The following ZBTB8A variants were observed in gnomAD, a reference collection of about 807,000 sequenced individuals.
ZBTB8A encodes the protein zinc finger and BTB domain containing 8A.
A neutral mutation model predicts 37.8 loss-of-function variants in ZBTB8A; 19 were observed. That is an observed-to-expected ratio of 0.50 (90% CI 0.35 to 0.74). The LOEUF (loss-of-function observed/expected upper bound fraction) is 0.74, where lower values mean the gene tolerates loss of function less well. Among genes scored for constraint, ZBTB8A ranks in the 30% least tolerant of loss-of-function variants. The probability of loss-of-function intolerance (pLI) is 0.01; values close to 1 mark genes in which losing one functional copy is unlikely to be tolerated. For missense variants in ZBTB8A, 394 were observed against 537.8 expected (o/e 0.73, Z 2.65); for synonymous variants, 181 against 185.2 (o/e 0.98, Z 0.19).
At chr1:32,561,156 C>A (rs963195873) in intron 2 of ZBTB8A, among the ~76,000 whole-genome samples, 3 of 148,446 alleles carry the variant, frequency 2.0e-5, no homozygotes, top group Non-Finnish European at 3.0e-5. Context: ...CTCACCATCT[C>A]TTTTGCACCC....
At chr1:32,554,452 T>G (rs1431402206) in intron 2 of ZBTB8A, among the ~76,000 whole-genome samples, 1 of 146,542 alleles carries the variant, frequency 6.8e-6, no homozygotes, top group Non-Finnish European at 1.5e-5. Context: ...TTGAACTACA[T>G]TTTAATCTTT....
intron 2 of ZBTB8A, among the ~76,000 whole-genome samples, chr1:32,590,341 C>CT (rs765306619): frequency 2.0e-5 from 3 of 151,766 alleles, no homozygotes; most frequent in African/African-American, 7.3e-5. Context: ...CACCTAAGGC[C>CT]TTTTTTTTCC....
In ZBTB8A at chr1:32,558,363, T is replaced by A. The variant is rs547339730; in HGVS notation, c.-2+4823T>A. 1.4e-3 allele frequency among the ~76,000 whole-genome samples: 206 copies of A among 151,884 alleles called. 1 individual carries two copies. The highest frequency in any genetic ancestry group is 4.6e-3 in the African/African-American group (192 of 41,412). ...CCTCCCTCCTTCTTATCTACAGTAG[T>A]TAGCTACTTAGAGAAAAATTTAGAT... On this transcript the variant is annotated intron_variant, in intron 2 of 4. Transcript: ENST00000373510.
Position 32,593,581 on chromosome 1 carries a change from A to T in ZBTB8A, c.650A>T (p.Gln217Leu). The change falls in exon 3 of 5, where the codon CAG (glutamine) becomes CTG (leucine). Residue 217 changes from glutamine (Q) to leucine (L), a missense_variant. By Grantham distance (113) the Gln-to-Leu change is moderately radical (BLOSUM62 -2). This residue lies in a region of ZBTB8A where 171 missense variants were observed against 186.8 expected (regional missense o/e 0.92). Transcript: ENST00000373510. ...IKKTKHLRLS[Q>L]PSEVTHYKSS... ...AAGACCAAACATTTGAGATTGTCACAGCCTTCTGAAGTTACTCATTATAAG... is the reference window on the plus strand; with the variant it reads ...AAGACCAAACATTTGAGATTGTCACTGCCTTCTGAAGTTACTCATTATAAG... The T allele has an allele frequency of 6.2e-7, 1 of 1,614,252 alleles. No homozygotes were observed. The highest frequency in any genetic ancestry group is 1.1e-5 in the South Asian group (1 of 91,092).
chr1:32,583,847 G>A (rs1250342657), intron 2 of ZBTB8A, among the ~76,000 whole-genome samples: 9 of 152,086 alleles, frequency 5.9e-5, no homozygotes, highest in African/African-American at 1.9e-4. Context: ...AGGTTCAAGC[G>A]ATTCTCCTCC....
chr1:32,560,462 AT>A (rs1271249913), intron 2 of ZBTB8A, among the ~76,000 whole-genome samples: 2 of 150,792 alleles, frequency 1.3e-5, no homozygotes, highest in Non-Finnish European at 1.5e-5. Context: ...CTTCTTCCTG[AT>A]TTTTTTCTGC....
At chr1:32,594,985 A>T in intron 3 of ZBTB8A, 69 bp from the exon 4 acceptor site, 17 of 1,347,668 alleles carry the variant, frequency 1.3e-5, no homozygotes, top group East Asian at 2.5e-5. Context: ...TTGGGCTTGG[A>T]TTGGATTCTT....
chr1:32,604,608 AATATT>A lies in ZBTB8A; in HGVS notation c.*4195_*4199del, dbSNP rs930089241. On this transcript the variant is annotated 3_prime_UTR_variant, in exon 5 of 5. Transcript: ENST00000373510. ...TTTAAAATTTAGGAACAAATGTTTCAATATTATATTTTCAGTAATGCAATCAAAAT... is the reference window on the plus strand; with the variant it reads ...TTTAAAATTTAGGAACAAATGTTTCAATATTTTCAGTAATGCAATCAAAAT... The A allele has an allele frequency of 2.6e-5, 4 of 152,158 alleles. No homozygotes were observed. Among genetic ancestry groups the A allele is most frequent in the African/African-American group, 9.7e-5 (4 of 41,432 alleles). The allele number at this position is 152,158 out of a possible 1,614,324, so 9.4% of individuals were successfully genotyped here. A position where few individuals can be genotyped will look rare whatever the true frequency, so the allele number is the denominator to read the frequency against.
chr1:32,599,178 A>G (rs1644554775), intron 4 of ZBTB8A, among the ~76,000 whole-genome samples: 2 of 152,070 alleles, frequency 1.3e-5, no homozygotes, highest in Non-Finnish European at 2.9e-5. Context: ...AATACACAAA[A>G]CAAGAGAGAT....
intron 1 of ZBTB8A, among the ~76,000 whole-genome samples, chr1:32,551,666 A>C (rs1294132949): frequency 2.0e-5 from 3 of 152,036 alleles, no homozygotes; most frequent in Non-Finnish European, 4.4e-5. Context: ...CCAAGATCAT[A>C]CCATTGCACT....
chr1:32,578,555 A>G (rs1040985297), intron 2 of ZBTB8A, among the ~76,000 whole-genome samples: 2 of 151,878 alleles, frequency 1.3e-5, no homozygotes, highest in Non-Finnish European at 2.9e-5. Context: ...ATATCTTTCA[A>G]TATGTTCATT....
intron 2 of ZBTB8A, among the ~76,000 whole-genome samples, chr1:32,574,117 T>C (rs1335056617): frequency 2.6e-5 from 4 of 152,002 alleles, no homozygotes; most frequent in African/African-American, 9.7e-5. Context: ...AAATGAACTA[T>C]ACGTTTTCCT....
chr1:32,592,800 GC>G, intron 2 of ZBTB8A, 130 bp from the exon 3 acceptor site: 1 of 733,484 alleles, frequency 1.4e-6, no homozygotes, highest in Non-Finnish European at 2.2e-6. Flanking sequence ...GAGCCACTGT[GC>G]CCAGCCACAG....
At position 32,593,383 on chromosome 1, in the gene ZBTB8A, A is replaced by G. The variant is rs769019843; in HGVS notation, c.452A>G (p.Tyr151Cys). The G allele has an allele frequency of 3.7e-6, 6 of 1,614,000 alleles. No homozygotes were observed. Among genetic ancestry groups the G allele is most frequent in the Middle Eastern group, 1.6e-4 (1 of 6,062 alleles). The change falls in exon 3 of 5, where the codon TAT (tyrosine) becomes TGT (cysteine). Residue 151 changes from tyrosine to cysteine, a missense_variant. Physicochemically the swap from Tyr to Cys is radical, Grantham distance 194 (BLOSUM62 -2). Transcript: ENST00000373510. ...NSNGVERSSF[Y>C]SGGWQEGSSS... ...AATGGTGTAGAACGTTCCTCTTTTT[A>G]TAGTGGTGGCTGGCAAGAAGGAAGC...
At chr1:32,585,494 C>T (rs558319177) in intron 2 of ZBTB8A, among the ~76,000 whole-genome samples, 22 of 152,082 alleles carry the variant, frequency 1.4e-4, no homozygotes, top group Admixed American at 4.6e-4. Context: ...ATAAATCTAA[C>T]AAAAATATGT....
At chr1:32,588,022 T>G (rs187397148) in intron 2 of ZBTB8A, among the ~76,000 whole-genome samples, 18 of 152,128 alleles carry the variant, frequency 1.2e-4, no homozygotes, top group African/African-American at 4.3e-4. Flanking sequence ...GGTGGTGCAC[T>G]TGGGGAGGGC....
intron 2 of ZBTB8A, among the ~76,000 whole-genome samples, chr1:32,558,467 A>C (rs1005445944): frequency 1.1e-4 from 16 of 151,986 alleles, no homozygotes; most frequent in African/African-American, 3.6e-4. Flanking sequence ...ACACACACAC[A>C]CACACACAAA....
chr1:32,552,509 C>T (rs1312011747), intron 1 of ZBTB8A, among the ~76,000 whole-genome samples: 1 of 151,932 alleles, frequency 6.6e-6, no homozygotes, highest in East Asian at 1.9e-4. Flanking sequence ...ACTAAAAATA[C>T]AAAAATATTA....
At chr1:32,595,015 TG>T (rs748047338) in intron 3 of ZBTB8A, 38 bp from the exon 4 acceptor site, 2 of 1,573,094 alleles carry the variant, frequency 1.3e-6, no homozygotes, top group Admixed American at 3.6e-5. Flanking sequence ...AGAATTGTTA[TG>T]AACTTTCCAG....
Sources: allele counts gnomAD v4.1 joint callset (sites outside exome capture counted in the v4.1 genomes callset), GRCh38; gene constraint gnomAD v4.1.1; regional missense constraint gnomAD v4.1.1; transcripts MANE v1.5; gene names NCBI Gene and HGNC (gene_info 2026-07-23, HGNC 2026-07-21).